The following PDZD2 variants were observed in gnomAD, a reference collection of about 807,000 sequenced individuals.
PDZD2 encodes PDZ domain-containing protein 2.
A neutral mutation model predicts 220.7 loss-of-function variants in PDZD2; 90 were observed. The observed-to-expected ratio is 0.41, with a 90% CI of 0.34 to 0.49. The LOEUF (loss-of-function observed/expected upper bound fraction) is 0.49. PDZD2 is among the 20% of genes least tolerant of loss of function. The pLI is 0.28. For synonymous variants in PDZD2, 1,375 were observed against 1,450.5 expected, an observed-to-expected ratio of 0.95 and a Z score of 1.18; for missense variants, 3,174 against 3,608.5, an observed-to-expected ratio of 0.88 and a Z score of 3.08.
intron 1 of PDZD2, among the ~76,000 whole-genome samples, chr5:31,729,725 C>T (rs896703437): frequency 2.0e-5 from 3 of 152,200 alleles, no homozygotes; most frequent in African/African-American, 7.2e-5. Flanking sequence ...CATGACTTTT[C>T]TACCCAAAGA....
At chr5:32,019,139 C>CTT (rs3037908) in intron 6 of PDZD2, among the ~76,000 whole-genome samples, 2,873 of 106,158 alleles carry the variant, frequency 0.027, 121 homozygotes, top group African/African-American at 0.045. Context: ...CATAGAAAAG[C>CTT]TTTTTTTTTT....
In PDZD2 at chr5:31,946,221, T is replaced by C. The variant is rs576433283; in HGVS notation, c.477-36934T>C. On this transcript the variant is annotated intron_variant, in intron 2 of 24. Coordinates refer to ENST00000438447, the MANE Select transcript of PDZD2 (RefSeq NM_178140.4). ...TTTCACCATGTTGGCCAGACTGGCC[T>C]TGAACTCCTGACCTCAAGTGCTCTG... Among the ~76,000 whole-genome samples, 407 of 152,338 alleles carry C rather than the reference T, an allele frequency of 2.7e-3. 2 individuals are homozygous for C. The highest frequency in any genetic ancestry group is 8.5e-3 in the African/African-American group (355 of 41,588).
At chr5:31,948,883 G>T (rs917039194) in intron 2 of PDZD2, among the ~76,000 whole-genome samples, 4 of 151,972 alleles carry the variant, frequency 2.6e-5, no homozygotes, top group African/African-American at 7.3e-5. Flanking sequence ...TGGATCGCCT[G>T]AGGTTAGGAG....
rs752419223 is a variant in PDZD2, at chr5:31,983,140, C to G, written c.477-15C>G. The G allele has an allele frequency of 2.9e-5, 47 of 1,605,382 alleles. 1 individual carries two copies. In the South Asian group the frequency reaches 4.9e-4, roughly 17 times the overall value. ...GTGTGTGGGGTTCTAACTGGCACCT[C>G]TCTGTCTGTTGCAGTTACCTGGCTG... On this transcript the variant is annotated splice_polypyrimidine_tract_variant and intron_variant, in intron 2 of 24. Coordinates refer to ENST00000438447, the MANE Select transcript of PDZD2 (RefSeq NM_178140.4).
chr5:31,727,893 C>T (rs921395182), intron 1 of PDZD2, among the ~76,000 whole-genome samples: 1 of 150,372 alleles, frequency 6.7e-6, no homozygotes, highest in African/African-American at 2.5e-5. Flanking sequence ...GTCCCAGCTA[C>T]TCAGGAGGCT....
At chr5:31,787,535 A>G (rs1449158996) in intron 1 of PDZD2, 2 of 152,212 alleles carry the variant, frequency 1.3e-5, no homozygotes, top group Admixed American at 6.5e-5. Context: ...CAGATAGTCC[A>G]TAGGACATAT....
At chr5:31,662,429 C>T (rs1030520488) in intron 1 of PDZD2, among the ~76,000 whole-genome samples, 1 of 152,152 alleles carries the variant, frequency 6.6e-6, no homozygotes, top group Non-Finnish European at 1.5e-5. Context: ...TCCTTTTGGG[C>T]CACTATAACA....
chr5:31,851,385 A>G (rs146826351), intron 2 of PDZD2, among the ~76,000 whole-genome samples: 2 of 152,194 alleles, frequency 1.3e-5, no homozygotes, highest in Non-Finnish European at 2.9e-5. Flanking sequence ...GCAGATTCCT[A>G]TTAAATGCAT....
intron 2 of PDZD2, among the ~76,000 whole-genome samples, chr5:31,963,729 CAA>C (rs984626191): frequency 2.6e-5 from 4 of 152,236 alleles, no homozygotes; most frequent in African/African-American, 9.6e-5. Flanking sequence ...GGAAGCAAAA[CAA>C]GAGTCCAACA....
intron 5 of PDZD2, among the ~76,000 whole-genome samples, chr5:32,002,862 ACC>A (rs1752327115): frequency 2.2e-5 from 2 of 91,410 alleles, no homozygotes; most frequent in Admixed American, 1.3e-4. Context: ...ACACACACAC[ACC>A]CCACATACCA....
Position 32,077,227 on chromosome 5 carries a change from G to C in PDZD2, c.3538-235G>C, listed in dbSNP as rs577270031. ...GTCTTCTTTTAAGCTCTATGAGTAA[G>C]ACTGGGAATGTTTTATGCCCATTTT... On this transcript the variant is annotated intron_variant, in intron 18 of 24. Transcript: ENST00000438447. 2.6e-5 allele frequency among the ~76,000 whole-genome samples: 4 copies of C among 151,766 alleles called. No individual in the cohort carries two copies. In the South Asian group the frequency reaches 8.5e-4, roughly 32 times the overall value.
Position 31,986,700 on chromosome 5 carries a change from CAT to C in PDZD2, c.978+3045_978+3046del, listed in dbSNP as rs1180552769. ...TCCATTTGAATAATGGGAGATTAAA[CAT>C]GTCAGTATTTTTCCATTTCTGTCTT... On this transcript the variant is annotated intron_variant, in intron 3 of 24. Coordinates refer to ENST00000438447, the MANE Select transcript of PDZD2 (RefSeq NM_178140.4). 2.0e-5 allele frequency among the ~76,000 whole-genome samples: 3 copies of C among 152,112 alleles called. No individual in the cohort carries two copies. In the East Asian group the frequency reaches 5.8e-4, roughly 29 times the overall value.
intron 2 of PDZD2, among the ~76,000 whole-genome samples, chr5:31,870,549 G>A (rs950868998): frequency 4.6e-5 from 7 of 152,196 alleles, no homozygotes; most frequent in African/African-American, 1.7e-4. Context: ...AGTAGCAAGT[G>A]TCAGGTTTCT....
chr5:31,836,228 CT>C (rs34323361), intron 2 of PDZD2, among the ~76,000 whole-genome samples: 13,046 of 121,976 alleles, frequency 0.11, 597 homozygotes, highest in Middle Eastern at 0.19. Flanking sequence ...ATTTTATTGG[CT>C]TTTTTTTTTT....
At chr5:31,690,679 C>T (rs1747083198) in intron 1 of PDZD2, among the ~76,000 whole-genome samples, 1 of 152,154 alleles carries the variant, frequency 6.6e-6, no homozygotes, top group South Asian at 2.1e-4. Flanking sequence ...TATCCTCCCT[C>T]TGCCTGTCTC....
In PDZD2 at chr5:32,003,375, A is replaced by C. The variant is rs1370201009; in HGVS notation, c.1254+3104A>C. ...CCACACACCACACCACACACACACC[A>C]CACACACACCCACACACACCACACA... is the stretch of plus-strand genomic sequence containing the variant. On this transcript the variant is annotated intron_variant, in intron 5 of 24. Transcript: ENST00000438447. 3.2e-4 allele frequency among the ~76,000 whole-genome samples: 16 copies of C among 49,766 alleles called. No individual in the cohort carries two copies. In the East Asian group the frequency reaches 7.0e-3, roughly 22 times the overall value. 32.6% of individuals were successfully genotyped at this position (49,766 alleles called of 152,430 possible).
intron 7 of PDZD2, among the ~76,000 whole-genome samples, chr5:32,044,797 A>G (rs945167096): frequency 8.5e-5 from 13 of 152,210 alleles, no homozygotes; most frequent in Non-Finnish European, 1.6e-4. Flanking sequence ...AAGAGGACAG[A>G]TCTCTCCTTT....
chr5:32,102,390 A>G (rs769840095), intron 24 of PDZD2, among the ~76,000 whole-genome samples: 27 of 151,152 alleles, frequency 1.8e-4, no homozygotes, highest in South Asian at 6.3e-4. Flanking sequence ...TTTTGCCAGT[A>G]AACTGTGGTC....
rs566220288 is a variant in PDZD2 at position 31,866,012 on chromosome 5, G to GT, written c.476+66297dup. Among the ~76,000 whole-genome samples, 375 of 139,110 alleles carry GT rather than the reference G, an allele frequency of 2.7e-3. 1 individual carries two copies. Among genetic ancestry groups the GT allele is most frequent in the Middle Eastern group, 0.013 (3 of 236 alleles). 91.3% of individuals were successfully genotyped at this position (139,110 alleles called of 152,430 possible). On this transcript the variant is annotated intron_variant, in intron 2 of 24. Transcript: ENST00000438447. ...TTGTCTTGTTTTGTTCTTGATTTTG[G>GT]TTTTTTTTTGAGATAGGGTCTCACT...
Sources: gnomAD v4.1 joint callset for allele counts (sites outside exome capture counted in the v4.1 genomes callset) on GRCh38, gnomAD v4.1.1 for gene constraint, MANE v1.5 for transcripts, NCBI Gene and HGNC (gene_info 2026-07-23, HGNC 2026-07-21) for gene names.